Variants in KIAA0825 observed in about 807,000 individuals in gnomAD.
KIAA0825 encodes KIAA0825.
Under a neutral mutation model 147.6 loss-of-function variants are expected in KIAA0825, and 119 were observed. The ratio of observed to expected loss-of-function variants is 0.81; its 90% CI spans 0.69 to 0.94. KIAA0825 has a LOEUF of 0.94. Ranked by LOEUF, KIAA0825 falls within the 40% of genes least tolerant of loss-of-function variation. KIAA0825 has a pLI of 0.00. For synonymous variants in KIAA0825, 470 were observed against 518.1 expected, an observed-to-expected ratio of 0.91 and a Z score of 1.26; for missense variants, 1,381 against 1,472.7, an observed-to-expected ratio of 0.94 and a Z score of 1.02.
intron 20 of KIAA0825, among the ~76,000 whole-genome samples, chr5:94,196,363 A>G (rs1771128723): frequency 6.6e-6 from 1 of 152,196 alleles, no homozygotes; most frequent in Non-Finnish European, 1.5e-5. Flanking sequence ...ATAACATACA[A>G]TATCAAAATA....
intron 15 of KIAA0825, among the ~76,000 whole-genome samples, chr5:94,410,067 A>G (rs10043286): frequency 0.014 from 2,122 of 152,226 alleles, 64 homozygotes; most frequent in African/African-American, 0.049. Context: ...AAAACATCAT[A>G]TATGTATAAG....
intron 20 of KIAA0825, among the ~76,000 whole-genome samples, chr5:94,200,414 G>A (rs756528134): frequency 3.5e-4 from 53 of 152,076 alleles, no homozygotes; most frequent in Admixed American, 3.1e-3. Context: ...CCTGCTTTTC[G>A]AAGATCTGCT....
chr5:94,210,607 A>G (rs1452733568), intron 20 of KIAA0825, among the ~76,000 whole-genome samples: 2 of 152,208 alleles, frequency 1.3e-5, no homozygotes. Context: ...AAAGGACCCA[A>G]GGAGCAATAA....
chr5:94,422,926 C>A (rs1168850103), intron 14 of KIAA0825, among the ~76,000 whole-genome samples: 1 of 152,152 alleles, frequency 6.6e-6, no homozygotes, highest in Non-Finnish European at 1.5e-5. Context: ...TCTGGTCTCA[C>A]CCCACTTCTC....
At chr5:94,546,853 T>A (rs1383443880) in intron 2 of KIAA0825, among the ~76,000 whole-genome samples, 4 of 135,362 alleles carry the variant, frequency 3.0e-5, no homozygotes, top group Admixed American at 2.2e-4. Context: ...AAACATGACC[T>A]CACCCAATGA....
intron 20 of KIAA0825, among the ~76,000 whole-genome samples, chr5:94,158,693 G>T (rs1767269388): frequency 6.6e-6 from 1 of 152,168 alleles, no homozygotes; most frequent in Admixed American, 6.6e-5. Flanking sequence ...GCTGCAGAAT[G>T]AGGGTTTAGA....
chr5:94,393,728 A>G (rs925199468), intron 17 of KIAA0825, among the ~76,000 whole-genome samples: 6 of 152,020 alleles, frequency 3.9e-5, no homozygotes, highest in South Asian at 4.1e-4. Flanking sequence ...TTTGAAATAC[A>G]TTTTTCCTCA....
At chr5:94,374,302 T>C (rs1391153415) in intron 20 of KIAA0825, among the ~76,000 whole-genome samples, 2 of 152,212 alleles carry the variant, frequency 1.3e-5, no homozygotes, top group Admixed American at 6.5e-5. Flanking sequence ...CAGTTGTGCA[T>C]TTCTGTCAAT....
In KIAA0825 at chr5:94,300,039, T is replaced by C. The variant is rs1328178495; in HGVS notation, c.3710+84329A>G. Among the ~76,000 whole-genome samples the C allele has an allele frequency of 2.0e-5, 3 of 152,102 alleles. No individual in the cohort carries two copies. The East Asian group carries it at 5.8e-4, about 29-fold the overall frequency. On this transcript the variant is annotated intron_variant, in intron 20 of 20. Coordinates refer to ENST00000682413, the MANE Select transcript of KIAA0825 (RefSeq NM_001145678.3). Reference sequence around the variant, plus strand: ...ATAATATTTTACAAATGAATAACCATATTATTAAAAATTTAAATGACAAAA... The same window carrying C: ...ATAATATTTTACAAATGAATAACCACATTATTAAAAATTTAAATGACAAAA...
chr5:94,333,665 C>T (rs1305013030), intron 20 of KIAA0825, among the ~76,000 whole-genome samples: 2 of 152,074 alleles, frequency 1.3e-5, no homozygotes, highest in Non-Finnish European at 2.9e-5. Flanking sequence ...TAATGTGATG[C>T]CTCTAGCTTT....
intron 14 of KIAA0825, among the ~76,000 whole-genome samples, chr5:94,432,066 T>C (rs1166585915): frequency 6.6e-6 from 1 of 152,232 alleles, no homozygotes; most frequent in Non-Finnish European, 1.5e-5. Flanking sequence ...CTGATAATAA[T>C]TCATAATAGT....
intron 5 of KIAA0825, among the ~76,000 whole-genome samples, chr5:94,499,464 T>C (rs1764778172): frequency 6.6e-6 from 1 of 152,072 alleles, no homozygotes; most frequent in African/African-American, 2.4e-5. Context: ...ATCTTGATCA[T>C]CCTGGGCATA....
intron 20 of KIAA0825, among the ~76,000 whole-genome samples, chr5:94,165,412 G>T (rs531096425): frequency 1.3e-5 from 2 of 152,248 alleles, no homozygotes; most frequent in South Asian, 2.1e-4. Flanking sequence ...GTTAGTGGGG[G>T]TGTAAATTAA....
At chr5:94,490,055 G>A (rs891232793) in intron 5 of KIAA0825, among the ~76,000 whole-genome samples, 1 of 151,962 alleles carries the variant, frequency 6.6e-6, no homozygotes, top group Non-Finnish European at 1.5e-5. Context: ...TAAGAATATA[G>A]CCTACATATT....
intron 20 of KIAA0825, among the ~76,000 whole-genome samples, chr5:94,263,394 C>T (rs993822204): frequency 7.2e-5 from 11 of 152,298 alleles, no homozygotes; most frequent in South Asian, 2.1e-4. Context: ...CCTCTTACTT[C>T]ATTCTTTCCC....
chr5:94,397,292 A>G (rs573693739), intron 16 of KIAA0825, among the ~76,000 whole-genome samples: 22 of 152,264 alleles, frequency 1.4e-4, no homozygotes, highest in African/African-American at 5.1e-4. Context: ...TTTGTGTCCT[A>G]TGCTATTTCC....
At chr5:94,352,863 G>C (rs116469269) in intron 20 of KIAA0825, among the ~76,000 whole-genome samples, 2,454 of 152,126 alleles carry the variant, frequency 0.016, 40 homozygotes, top group Non-Finnish European at 0.025. Context: ...CTGATATGTG[G>C]GAGCTAAGCT....
At chr5:94,564,537 AGTGTGTGTGTGTGTGT>A (rs56256662) in intron 2 of KIAA0825, among the ~76,000 whole-genome samples, 46 of 32,904 alleles carry the variant, frequency 1.4e-3, no homozygotes, top group African/African-American at 2.6e-3. Flanking sequence ...CTTATTTTTG[AGTGTGTGTGTGTGTGT>A]GTGTGTGTGT....
intron 20 of KIAA0825, among the ~76,000 whole-genome samples, chr5:94,270,269 T>C (rs768413212): frequency 3.3e-5 from 5 of 152,062 alleles, no homozygotes; most frequent in East Asian, 1.9e-4. Flanking sequence ...TGGAACATAA[T>C]TGAGAACCCA....
Sources: gnomAD v4.1 joint callset for allele counts (sites outside exome capture counted in the v4.1 genomes callset) on GRCh38, gnomAD v4.1.1 for gene constraint, MANE v1.5 for transcripts, NCBI Gene and HGNC (gene_info 2026-07-23, HGNC 2026-07-21) for gene names.